Variants in EGF observed in about 807,000 individuals in gnomAD.
EGF encodes epidermal growth factor, also known as pro-epidermal growth factor.
Under a neutral mutation model 143.8 loss-of-function variants are expected in EGF, and 95 were observed. That is an observed-to-expected ratio of 0.66 (90% confidence interval 0.56 to 0.78). EGF has a LOEUF of 0.78. Ranked by LOEUF, EGF falls within the 30% of genes least tolerant of loss-of-function variation. The pLI, the probability that EGF is intolerant of heterozygous loss-of-function variation, is 0.00. For synonymous variants in EGF, 510 were observed against 510.5 expected (o/e 1.00, Z 0.01); for missense variants, 1,320 against 1,470.9 (o/e 0.90, Z 1.68).
chr4:109,936,812 A>C (rs1052261823), intron 1 of EGF, among the ~76,000 whole-genome samples: 2 of 152,222 alleles, frequency 1.3e-5, no homozygotes, highest in Admixed American at 6.5e-5. Flanking sequence ...GTAGTCATTC[A>C]GGAGAAGGTT....
At chr4:109,962,736 T>C (rs1350868033) in intron 8 of EGF, among the ~76,000 whole-genome samples, 2 of 152,124 alleles carry the variant, frequency 1.3e-5, no homozygotes, top group Admixed American at 1.3e-4. Flanking sequence ...ATAACCTTGA[T>C]TGCAGCCATA....
intron 12 of EGF, 86 bp downstream of exon 12, chr4:109,974,893 C>A: frequency 1.0e-6 from 1 of 991,610 alleles, no homozygotes; most frequent in Admixed American, 1.8e-5. Context: ...AACCAGAAAC[C>A]AAGAAAATCC....
chr4:109,942,900 C>G (rs532032231), intron 2 of EGF, among the ~76,000 whole-genome samples: 125 of 152,292 alleles, frequency 8.2e-4, no homozygotes, highest in Non-Finnish European at 1.6e-3. Context: ...TTTCCATTAG[C>G]AAATGGAACT....
chr4:110,004,245 C>CAA, intron 21 of EGF: 3 of 488,344 alleles, frequency 6.1e-6, no homozygotes, highest in Non-Finnish European at 1.1e-5. Context: ...CACACACACA[C>CAA]ACACACAAAC....
chr4:109,994,580 G>T (rs1448998073), intron 19 of EGF, among the ~76,000 whole-genome samples, 153 bp from the exon 20 acceptor site: 1 of 152,194 alleles, frequency 6.6e-6, no homozygotes, highest in Non-Finnish European at 1.5e-5. Flanking sequence ...CTAAGGTCTA[G>T]CTAGGAAAGT....
At chr4:109,968,794 A>C in intron 10 of EGF, 177 bp from the exon 11 acceptor site, 7 of 665,032 alleles carry the variant, frequency 1.1e-5, no homozygotes. Flanking sequence ...GACATTAAAT[A>C]ACTTGCTTAA....
intron 23 of EGF, among the ~76,000 whole-genome samples, chr4:110,009,090 A>G (rs1753686284): frequency 6.6e-6 from 1 of 152,210 alleles, no homozygotes; most frequent in South Asian, 2.1e-4. Context: ...TGGAAAGAAC[A>G]TAGGCTTCTT....
rs60867606 is a variant in EGF at position 109,939,022 on chromosome 4, G to A, written c.128-1924G>A. 7.9e-3 allele frequency among the ~76,000 whole-genome samples: 1,198 copies of A among 152,312 alleles called. 13 individuals are homozygous for A. Among genetic ancestry groups the A allele is most frequent in the African/African-American group, 0.027 (1,119 of 41,562 alleles). On this transcript the variant is annotated intron_variant, in intron 1 of 23. Transcript: ENST00000265171. ...GTGTGTCTGTTAATGGATCTCAAAC[G>A]CTGTGCTGGGAGAACCACTGCTCTC...
intron 21 of EGF, among the ~76,000 whole-genome samples, chr4:110,000,602 CA>C (rs1437147114): frequency 6.6e-6 from 1 of 152,182 alleles, no homozygotes; most frequent in Non-Finnish European, 1.5e-5. Flanking sequence ...TTAATAATTT[CA>C]AGTTAACAAT....
chr4:109,934,655 G>A (rs1327485029), intron 1 of EGF, among the ~76,000 whole-genome samples: 1 of 152,170 alleles, frequency 6.6e-6, no homozygotes, highest in Non-Finnish European at 1.5e-5. Context: ...GTCCTGAATG[G>A]TATTGCCTAG....
intron 1 of EGF, among the ~76,000 whole-genome samples, chr4:109,923,719 C>T (rs1738177162): frequency 6.6e-6 from 1 of 151,544 alleles, no homozygotes; most frequent in South Asian, 2.1e-4. Flanking sequence ...TTCCTGAGCT[C>T]AGGTGATGCT....
chr4:109,939,683 C>T (rs544541656), intron 1 of EGF, among the ~76,000 whole-genome samples: 1 of 152,276 alleles, frequency 6.6e-6, no homozygotes, highest in African/African-American at 2.4e-5. Context: ...AAGCGCCAAC[C>T]CTCTTGTAGC....
In EGF at chr4:109,944,020, T is replaced by C. The variant is rs1332346154; in HGVS notation, c.688T>C (p.Ser230Pro). The C allele has an allele frequency of 6.2e-7, 1 of 1,614,218 alleles. No homozygotes were observed. Among genetic ancestry groups the C allele is most frequent in the South Asian group, 1.1e-5 (1 of 91,084 alleles). Reference protein sequence around the residue: ...NREGSNSLICSCDYDGGSVHI... With the variant: ...NREGSNSLICPCDYDGGSVHI... ...AGAAGGAAGCAATTCTCTTATTTGCTCCTGTGATTATGATGGAGGTTCTGT... is the reference window on the plus strand; with the variant it reads ...AGAAGGAAGCAATTCTCTTATTTGCCCCTGTGATTATGATGGAGGTTCTGT... The change falls in exon 4 of 24, where the codon TCC becomes CCC. Residue 230 changes from serine (S) to proline (P), a missense_variant. By Grantham distance (74) the Ser-to-Pro change is moderately conservative. This residue lies in a region of EGF where 1,186 missense variants were observed against 1,313.7 expected (regional missense o/e 0.90). Coordinates refer to ENST00000265171, the MANE Select transcript of EGF (RefSeq NM_001963.6).
chr4:109,987,674 C>T (rs1027784970), intron 16 of EGF, 70 bp from the exon 17 acceptor site: 2 of 1,268,630 alleles, frequency 1.6e-6, no homozygotes, highest in East Asian at 2.3e-5. Context: ...TTCTGTAGAA[C>T]CAGAAGATTA....
chr4:109,954,764 T>G (rs1298576760), intron 5 of EGF, among the ~76,000 whole-genome samples: 1 of 152,196 alleles, frequency 6.6e-6, no homozygotes, highest in Non-Finnish European at 1.5e-5. Context: ...ATTTTACGTA[T>G]CTGGTAAAAA....
At chr4:110,002,688 G>T (rs973994264) in intron 21 of EGF, among the ~76,000 whole-genome samples, 1 of 151,762 alleles carries the variant, frequency 6.6e-6, no homozygotes, top group African/African-American at 2.4e-5. Context: ...TAGGTTCAGG[G>T]GTATATGTAA....
chr4:109,988,625 G>A lies in EGF; in HGVS notation c.2650G>A (p.Ala884Thr), dbSNP rs761326095. ...GATGGGTGTCCCAGTGTGCCCCCCT[G>A]CCTCCTCCAAGTGCATCAACACCGA... is the stretch of plus-strand genomic sequence containing the variant. ...CEMGVPVCPPASSKCINTEGG... is the reference protein window; with the variant it reads ...CEMGVPVCPPTSSKCINTEGG... The change falls in exon 18 of 24, where the codon GCC (alanine) becomes ACC (threonine). Residue 884 changes from alanine to threonine, a missense_variant. Coordinates refer to ENST00000265171, the MANE Select transcript of EGF (RefSeq NM_001963.6). 4 of 1,613,944 alleles carry A rather than the reference G, an allele frequency of 2.5e-6. No homozygotes were observed. The African/African-American group carries it at 4.0e-5, about 16-fold the overall frequency.
intron 5 of EGF, among the ~76,000 whole-genome samples, chr4:109,947,378 CTT>C (rs74268366): frequency 5.6e-5 from 8 of 141,834 alleles, no homozygotes; most frequent in Admixed American, 7.1e-5. Flanking sequence ...CTTCTACTTT[CTT>C]TTTTTTTTTT....
chr4:109,995,641 G>A (rs1368124448), intron 20 of EGF, among the ~76,000 whole-genome samples: 5 of 152,090 alleles, frequency 3.3e-5, no homozygotes, highest in Non-Finnish European at 5.9e-5. Context: ...TATTTTCAAG[G>A]CAATAGGAGG....
Sources: gnomAD v4.1 joint callset for allele counts (sites outside exome capture counted in the v4.1 genomes callset) on GRCh38, gnomAD v4.1.1 for gene constraint, gnomAD v4.1.1 regional missense constraint, MANE v1.5 for transcripts, NCBI Gene and HGNC (gene_info 2026-07-23, HGNC 2026-07-21) for gene names.